Variants in SNX29 observed in about 807,000 individuals in gnomAD.
SNX29 encodes the protein sorting nexin-29.
SNX29 carries 78 observed loss-of-function variants against 102.1 expected under a neutral mutation model. The ratio of observed to expected loss-of-function variants is 0.76; its 90% confidence interval spans 0.64 to 0.92. The LOEUF is 0.92. Ranked by LOEUF, SNX29 falls within the 40% of genes least tolerant of loss-of-function variation. The pLI, the probability that SNX29 is intolerant of heterozygous loss-of-function variation, is 0.00. For missense variants in SNX29, 1,280 were observed against 1,061.7 expected (o/e 1.21, Z -2.86); for synonymous variants, 580 against 414.5 (o/e 1.40, Z -4.85).
chr16:12,250,922 A>G (rs942843091), intron 14 of SNX29, among the ~76,000 whole-genome samples: 1 of 152,212 alleles, frequency 6.6e-6, no homozygotes, highest in African/African-American at 2.4e-5. Flanking sequence ...CCGGTACTGC[A>G]GTTACTCCTG....
intron 17 of SNX29, among the ~76,000 whole-genome samples, 192 bp from the exon 18 acceptor site, chr16:12,403,254 GTA>G (rs1491443409): frequency 3.3e-5 from 4 of 120,588 alleles, no homozygotes; most frequent in South Asian, 2.5e-4. Flanking sequence ...GTGTGTGTGT[GTA>G]GAGAGAGACA....
chr16:12,193,397 A>AGG (rs1266448091), intron 13 of SNX29, among the ~76,000 whole-genome samples: 2 of 151,060 alleles, frequency 1.3e-5, no homozygotes, highest in Admixed American at 1.3e-4. Flanking sequence ...TGAAGCCAGG[A>AGG]GGTGAAGGTT....
At chr16:12,245,720 C>T (rs370942203) in intron 14 of SNX29, among the ~76,000 whole-genome samples, 1 of 152,170 alleles carries the variant, frequency 6.6e-6, no homozygotes, top group African/African-American at 2.4e-5. Flanking sequence ...ATTTTTCCTG[C>T]AGGAGTGGCA....
intron 19 of SNX29, among the ~76,000 whole-genome samples, chr16:12,520,635 A>G (rs2090061989): frequency 6.6e-6 from 1 of 152,218 alleles, no homozygotes. Context: ...GAACGAAATC[A>G]TGTCTTTTGC....
rs183498429 is a variant in SNX29, at chr16:12,573,870, C to T, written c.*5241C>T. ...CCTAAGAAGAATGTTGGCCTCTCTTCATCCCTGGCTTAGCCGTCAGGTAGA... is the reference window on the plus strand; with the variant it reads ...CCTAAGAAGAATGTTGGCCTCTCTTTATCCCTGGCTTAGCCGTCAGGTAGA... On this transcript the variant is annotated 3_prime_UTR_variant, in exon 21 of 21. Coordinates refer to ENST00000566228, the MANE Select transcript of SNX29 (RefSeq NM_032167.5). 4.1e-4 allele frequency: 85 copies of T among 209,800 alleles called. No individual in the cohort carries two copies. The East Asian group carries it at 5.2e-3, about 13-fold the overall frequency. 13.0% of individuals were successfully genotyped at this position (209,800 alleles called of 1,614,324 possible).
rs2076863802 is a variant in SNX29, at chr16:12,199,606, A to T, written c.1601A>T (p.Asn534Ile). The change falls in exon 14 of 21, where the codon AAC becomes ATC. Residue 534 changes from asparagine (N) to isoleucine (I), a missense_variant. Asn to Ile is a moderately radical substitution (Grantham distance 149, BLOSUM62 -3). Coordinates refer to ENST00000566228, the MANE Select transcript of SNX29 (RefSeq NM_032167.5). ...TAACATTCTTGTACCTGCAGAGAGA[A>T]CGAGGTGCTCAAAGTCCAACTGAAG... ...GMKVQALARE[N>I]EVLKVQLKKY... 1 of 1,612,428 alleles carries T rather than the reference A, an allele frequency of 6.2e-7. No individual in the cohort carries two copies. Among genetic ancestry groups the T allele is most frequent in the South Asian group, 1.1e-5 (1 of 90,710 alleles).
intron 11 of SNX29, among the ~76,000 whole-genome samples, chr16:12,099,614 G>T (rs148348020): frequency 1.3e-5 from 2 of 152,210 alleles, no homozygotes; most frequent in South Asian, 2.1e-4. Flanking sequence ...GTGGAGTCCT[G>T]TCGGCCTCCA....
At chr16:12,374,390 T>TA (rs2082797499) in intron 16 of SNX29, 1 of 152,208 alleles carries the variant, frequency 6.6e-6, no homozygotes, top group Non-Finnish European at 1.5e-5. Flanking sequence ...AGAATGTCTT[T>TA]ATTTTGATCA....
intron 18 of SNX29, among the ~76,000 whole-genome samples, chr16:12,411,768 G>A (rs1446905371): frequency 1.3e-5 from 2 of 152,152 alleles, no homozygotes; most frequent in East Asian, 3.9e-4. Context: ...AAGGAGGAGG[G>A]ACGGGACACC....
intron 18 of SNX29, among the ~76,000 whole-genome samples, chr16:12,462,016 T>TAC (rs375061825): frequency 0.13 from 8,689 of 65,434 alleles, 764 homozygotes; most frequent in Non-Finnish European, 0.16. Flanking sequence ...TATATATGTA[T>TAC]ACACACACAC....
chr16:12,522,669 G>A (rs2090144750), intron 19 of SNX29, among the ~76,000 whole-genome samples: 1 of 152,112 alleles, frequency 6.6e-6, no homozygotes, highest in Admixed American at 6.5e-5. Flanking sequence ...CGTAAGATGT[G>A]CCTGAGTCCC....
At chr16:12,359,782 C>A (rs1036138992) in intron 16 of SNX29, among the ~76,000 whole-genome samples, 2 of 152,138 alleles carry the variant, frequency 1.3e-5, no homozygotes, top group African/African-American at 4.8e-5. Context: ...ATATTTACTG[C>A]TAAAATATAT....
At chr16:12,347,513 A>C (rs945208988) in intron 15 of SNX29, among the ~76,000 whole-genome samples, 1 of 152,098 alleles carries the variant, frequency 6.6e-6, no homozygotes, top group African/African-American at 2.4e-5. Context: ...TCCCTTCCAG[A>C]CTGCATGACT....
intron 20 of SNX29, among the ~76,000 whole-genome samples, chr16:12,564,736 G>A (rs2078920142): frequency 6.6e-6 from 1 of 151,852 alleles, no homozygotes; most frequent in Non-Finnish European, 1.5e-5. Context: ...ATGCAGTTGT[G>A]CCTAACAACT....
chr16:12,524,312 T>C (rs1377627574), intron 19 of SNX29, among the ~76,000 whole-genome samples: 1 of 152,068 alleles, frequency 6.6e-6, no homozygotes, highest in African/African-American at 2.4e-5. Flanking sequence ...CCCGCTGACC[T>C]GTGTGGTCAC....
chr16:12,542,700 T>G (rs1350513765), intron 20 of SNX29, among the ~76,000 whole-genome samples: 2 of 151,844 alleles, frequency 1.3e-5, no homozygotes, highest in African/African-American at 4.8e-5. Flanking sequence ...GCCAGGCTGG[T>G]GTTGGTCCCA....
chr16:12,283,059 C>T (rs2079485652), intron 15 of SNX29, among the ~76,000 whole-genome samples: 1 of 152,114 alleles, frequency 6.6e-6, no homozygotes, highest in South Asian at 2.1e-4. Context: ...TTACTCTGGC[C>T]CTTAATGTTA....
chr16:12,237,832 C>G (rs571568056), intron 14 of SNX29, among the ~76,000 whole-genome samples: 3 of 152,148 alleles, frequency 2.0e-5, no homozygotes, highest in Admixed American at 1.3e-4. Context: ...CACTTGAACC[C>G]GGGAGATGGA....
At chr16:12,203,234 G>T (rs2141989071) in intron 14 of SNX29, among the ~76,000 whole-genome samples, 1 of 151,970 alleles carries the variant, frequency 6.6e-6, no homozygotes, top group East Asian at 1.9e-4. Flanking sequence ...CTCTCGGGTG[G>T]ACTGGTGGTA....
Sources: allele counts gnomAD v4.1 joint callset (sites outside exome capture counted in the v4.1 genomes callset), GRCh38; gene constraint gnomAD v4.1.1; transcripts MANE v1.5; gene names NCBI Gene and HGNC (gene_info 2026-07-23, HGNC 2026-07-21).